INVS: variants seen among roughly 807,000 people sequenced by gnomAD.
INVS encodes inversin, also known as inversion of embryo turning homolog.
Under a neutral mutation model 108.8 loss-of-function variants are expected in INVS, and 86 were observed. The observed-to-expected ratio is 0.79, with a 90% confidence interval of 0.66 to 0.95. The LOEUF (loss-of-function observed/expected upper bound fraction) is 0.95, where lower values mean the gene tolerates loss of function less well. Among genes scored for constraint, INVS ranks in the 40% least tolerant of loss-of-function variants. INVS has a pLI of 0.00. For missense variants in INVS, 1,169 were observed against 1,297.4 expected (o/e 0.90, Z 1.52); for synonymous variants, 455 against 473.5 (o/e 0.96, Z 0.51).
chr9:100,176,970 A>G (rs373488330), intron 3 of INVS, among the ~76,000 whole-genome samples: 3 of 151,958 alleles, frequency 2.0e-5, no homozygotes, highest in South Asian at 2.1e-4. Context: ...TTAAGTACAA[A>G]TGAATAAAAC....
chr9:100,189,943 G>A (rs901043009), intron 3 of INVS, among the ~76,000 whole-genome samples: 4 of 152,042 alleles, frequency 2.6e-5, no homozygotes, highest in Non-Finnish European at 5.9e-5. Flanking sequence ...GTAGAGTGCA[G>A]TTTAAGTCCT....
intron 8 of INVS, among the ~76,000 whole-genome samples, chr9:100,251,573 C>CT (rs1250206610): frequency 1.3e-5 from 2 of 152,102 alleles, no homozygotes; most frequent in African/African-American, 4.8e-5. Context: ...CTTTTCTTTT[C>CT]TTTTTTTGAG....
At chr9:100,214,643 A>G (rs183745668) in intron 3 of INVS, among the ~76,000 whole-genome samples, 2 of 152,352 alleles carry the variant, frequency 1.3e-5, no homozygotes, top group East Asian at 3.9e-4. Flanking sequence ...TTCCATGTAT[A>G]CAACGGGGTC....
At chr9:100,287,986 A>G (rs1306626053) in intron 13 of INVS, among the ~76,000 whole-genome samples, 3 of 152,180 alleles carry the variant, frequency 2.0e-5, no homozygotes, top group Admixed American at 2.0e-4. Flanking sequence ...ATACATTATC[A>G]ACACCCCCCA....
chr9:100,103,309 C>G (rs1227410013), intron 1 of INVS, among the ~76,000 whole-genome samples: 1 of 152,054 alleles, frequency 6.6e-6, no homozygotes. Flanking sequence ...ACAGTGCATG[C>G]CACCATGCTC....
intron 6 of INVS, among the ~76,000 whole-genome samples, chr9:100,240,612 T>C (rs1244902301): frequency 6.6e-6 from 1 of 152,098 alleles, no homozygotes; most frequent in Non-Finnish European, 1.5e-5. Context: ...TTTCCTGAAA[T>C]GCCTTTTACT....
chr9:100,253,142 A>T lies in INVS; in HGVS notation c.1464+6A>T, dbSNP rs1327223328. On this transcript the variant is annotated splice_donor_region_variant and intron_variant, in intron 10 of 16. Coordinates refer to ENST00000262457, the MANE Select transcript of INVS (RefSeq NM_014425.5). Reference sequence around the variant, plus strand: ...CTAACATTCAAGACAAAGAGGTAGAAATTCTGTCTTTTCTATATTGTTTGC... The same window carrying T: ...CTAACATTCAAGACAAAGAGGTAGATATTCTGTCTTTTCTATATTGTTTGC... 6.2e-7 allele frequency: 1 copy of T among 1,601,422 alleles called. No homozygotes were observed. The highest frequency in any genetic ancestry group is 1.3e-5 in the African/African-American group (1 of 74,674).
At chr9:100,167,225 C>CAA (rs368190275) in intron 3 of INVS, among the ~76,000 whole-genome samples, 5 of 134,950 alleles carry the variant, frequency 3.7e-5, no homozygotes, top group African/African-American at 1.4e-4. Context: ...GACTCTATCT[C>CAA]AAAAAAAAAA....
chr9:100,291,791 A>G (rs1276112442), intron 13 of INVS, among the ~76,000 whole-genome samples: 1 of 152,090 alleles, frequency 6.6e-6, no homozygotes, highest in South Asian at 2.1e-4. Flanking sequence ...CTTCCTTGTC[A>G]TCTCTAAGTG....
At chr9:100,251,703 T>C (rs1457024564) in intron 8 of INVS, among the ~76,000 whole-genome samples, 1 of 152,176 alleles carries the variant, frequency 6.6e-6, no homozygotes, top group Non-Finnish European at 1.5e-5. Flanking sequence ...TTTCTTAAAT[T>C]GAGCCCTGGG....
chr9:100,284,664 T>C (rs1051227092), intron 13 of INVS, 61 bp downstream of exon 13: 2 of 1,552,108 alleles, frequency 1.3e-6, no homozygotes, highest in Admixed American at 3.5e-5. Flanking sequence ...TTTTGATTGG[T>C]GTATTTAGAC....
chr9:100,299,553 ACAACACACACACACACACACACAC>A (rs753176604), intron 16 of INVS, among the ~76,000 whole-genome samples: 322 of 82,818 alleles, frequency 3.9e-3, no homozygotes, highest in Admixed American at 5.8e-3. Flanking sequence ...TTATTGACAC[ACAACACACACACACACACACACAC>A]ACACACACAC....
chr9:100,300,175 A>G (rs1342643683), intron 16 of INVS, among the ~76,000 whole-genome samples: 1 of 152,246 alleles, frequency 6.6e-6, no homozygotes, highest in Non-Finnish European at 1.5e-5. Flanking sequence ...GAGGATCTGA[A>G]TATTTTCTAA....
At chr9:100,174,850 T>A (rs1829660063) in intron 3 of INVS, among the ~76,000 whole-genome samples, 1 of 152,112 alleles carries the variant, frequency 6.6e-6, no homozygotes, top group Non-Finnish European at 1.5e-5. Flanking sequence ...AGGAGGAGGT[T>A]GCAGTGAGCC....
At chr9:100,228,213 A>G (rs1179335825) in intron 4 of INVS, among the ~76,000 whole-genome samples, 2 of 151,138 alleles carry the variant, frequency 1.3e-5, no homozygotes, top group African/African-American at 4.9e-5. Flanking sequence ...CTGGTCTCGA[A>G]CTCCTGACCT....
intron 8 of INVS, 48 bp downstream of exon 8, chr9:100,246,835 G>A: frequency 1.3e-6 from 2 of 1,509,486 alleles, no homozygotes; most frequent in Non-Finnish European, 1.8e-6. Context: ...AGGTTCCAAA[G>A]TGTAGATGTT....
intron 2 of INVS, among the ~76,000 whole-genome samples, chr9:100,117,852 A>AT (rs1185644193): frequency 3.3e-5 from 5 of 152,062 alleles, no homozygotes; most frequent in Non-Finnish European, 5.9e-5. Flanking sequence ...ATGAGGGTTT[A>AT]GCCCTCGTGA....
chr9:100,280,320 C>G (rs191441647), intron 12 of INVS, among the ~76,000 whole-genome samples: 30 of 152,330 alleles, frequency 2.0e-4, no homozygotes, highest in Admixed American at 1.1e-3. Flanking sequence ...CTGTGGAGCA[C>G]AGGACCTGAA....
chr9:100,283,633 G>C (rs1288567868), intron 12 of INVS, among the ~76,000 whole-genome samples: 1 of 152,164 alleles, frequency 6.6e-6, no homozygotes, highest in East Asian at 1.9e-4. Flanking sequence ...CTCATCTTTA[G>C]ACGGGCCCCT....
Sources: allele counts gnomAD v4.1 joint callset (sites outside exome capture counted in the v4.1 genomes callset), GRCh38; gene constraint gnomAD v4.1.1; transcripts MANE v1.5; gene names NCBI Gene and HGNC (gene_info 2026-07-23, HGNC 2026-07-21).